The following GLRB variants were observed in gnomAD, a reference collection of about 807,000 sequenced individuals.
GLRB encodes the protein glycine receptor beta.
GLRB carries 33 observed loss-of-function variants against 54.2 expected under a neutral mutation model. That is an observed-to-expected ratio of 0.61 (90% CI 0.46 to 0.81). The LOEUF (loss-of-function observed/expected upper bound fraction) is 0.81, where lower values mean the gene tolerates loss of function less well. Among genes scored for constraint, GLRB ranks in the 40% least tolerant of loss-of-function variants. The pLI is 0.00. For synonymous variants in GLRB, 209 were observed against 208.2 expected (o/e 1.00, Z -0.03); for missense variants, 572 against 584.6 (o/e 0.98, Z 0.22).
chr4:157,125,479 T>G (rs1735983914), intron 4 of GLRB, among the ~76,000 whole-genome samples: 1 of 151,820 alleles, frequency 6.6e-6, no homozygotes, highest in Admixed American at 6.6e-5. Flanking sequence ...GATGATGACT[T>G]TTTGGTTGTC....
At chr4:157,147,213 G>A (rs1354216072) in intron 8 of GLRB, among the ~76,000 whole-genome samples, 1 of 152,216 alleles carries the variant, frequency 6.6e-6, no homozygotes, top group Non-Finnish European at 1.5e-5. Flanking sequence ...AGGGGAGTGA[G>A]CGTAAGCAGA....
chr4:157,106,788 G>A (rs1463917011), intron 2 of GLRB, among the ~76,000 whole-genome samples: 2 of 152,024 alleles, frequency 1.3e-5, no homozygotes, highest in East Asian at 1.9e-4. Flanking sequence ...GCATTGCAGG[G>A]TGTCCAACTT....
chr4:157,144,381 T>C (rs1287449670), intron 8 of GLRB, among the ~76,000 whole-genome samples: 2 of 152,180 alleles, frequency 1.3e-5, no homozygotes, highest in African/African-American at 2.4e-5. Context: ...TACGAAAAAT[T>C]ATGTAACCAT....
At chr4:157,086,974 T>C (rs1228383476) in intron 2 of GLRB, among the ~76,000 whole-genome samples, 1 of 152,178 alleles carries the variant, frequency 6.6e-6, no homozygotes, top group Non-Finnish European at 1.5e-5. Flanking sequence ...TATGCAGTGA[T>C]GTCTTTTATT....
intron 2 of GLRB, among the ~76,000 whole-genome samples, chr4:157,108,088 A>T (rs1012325494): frequency 2.0e-5 from 3 of 152,084 alleles, no homozygotes; most frequent in African/African-American, 7.2e-5. Context: ...ACCACTCAGG[A>T]AAAAAGACTC....
At chr4:157,082,184 T>A (rs1734244757) in intron 2 of GLRB, among the ~76,000 whole-genome samples, 1 of 152,170 alleles carries the variant, frequency 6.6e-6, no homozygotes, top group African/African-American at 2.4e-5. Flanking sequence ...ATCCAACATT[T>A]TAATCTGATT....
chr4:157,077,067 G>C (rs138949472), intron 1 of GLRB, among the ~76,000 whole-genome samples: 1 of 150,810 alleles, frequency 6.6e-6, no homozygotes, highest in Non-Finnish European at 1.5e-5. Flanking sequence ...AATATGACAG[G>C]TCTTTTACTC....
intron 8 of GLRB, among the ~76,000 whole-genome samples, chr4:157,151,303 T>A (rs2126599367): frequency 6.6e-6 from 1 of 152,242 alleles, no homozygotes; most frequent in Admixed American, 6.5e-5. Context: ...GCCAAGTTAA[T>A]TCCCATGGCT....
intron 4 of GLRB, among the ~76,000 whole-genome samples, chr4:157,129,578 A>C (rs558509719): frequency 6.6e-6 from 1 of 151,940 alleles, no homozygotes; most frequent in Non-Finnish European, 1.5e-5. Context: ...TGGCCTCATA[A>C]CTAATAGAAA....
At position 157,143,887 on chromosome 4, in the gene GLRB, C is replaced by T; in HGVS notation, c.832C>T (p.Leu278=). ...FYMMGVYAPT[L]LIVVLSWLSF... Reference sequence around the variant, plus strand: ...CATGATGGGGGTCTACGCCCCAACTCTGCTCATTGTTGTTCTCTCCTGGCT... The same window carrying T: ...CATGATGGGGGTCTACGCCCCAACTTTGCTCATTGTTGTTCTCTCCTGGCT... Residue 278 remains leucine (L), a synonymous_variant, in exon 8 of 10, where the codon CTG becomes TTG. Coordinates refer to ENST00000264428, the MANE Select transcript of GLRB (RefSeq NM_000824.5). The T allele has an allele frequency of 6.2e-7, 1 of 1,613,898 alleles. No homozygotes were observed. Among genetic ancestry groups the T allele is most frequent in the Non-Finnish European group, 8.5e-7 (1 of 1,179,896 alleles).
At chr4:157,135,602 G>A (rs1736369100) in intron 4 of GLRB, among the ~76,000 whole-genome samples, 1 of 152,060 alleles carries the variant, frequency 6.6e-6, no homozygotes, top group South Asian at 2.1e-4. Context: ...TGTCATGACT[G>A]TGAGGCCTCC....
In GLRB at chr4:157,143,904, C is replaced by T. The variant is rs1245752939; in HGVS notation, c.849C>T (p.Leu283=). ...VYAPTLLIVV[L]SWLSFWINPD... ...CCCCAACTCTGCTCATTGTTGTTCT[C>T]TCCTGGCTTTCCTTCTGGATCAACC... The change falls in exon 8 of 10, where the codon CTC becomes CTT. Residue 283 remains leucine, a synonymous_variant. Coordinates refer to ENST00000264428, the MANE Select transcript of GLRB (RefSeq NM_000824.5). 2.5e-6 allele frequency: 4 copies of T among 1,614,070 alleles called. No homozygotes were observed. Among genetic ancestry groups the T allele is most frequent in the Non-Finnish European group, 2.5e-6 (3 of 1,179,992 alleles).
At chr4:157,104,821 G>C (rs930187926) in intron 2 of GLRB, among the ~76,000 whole-genome samples, 2 of 151,916 alleles carry the variant, frequency 1.3e-5, no homozygotes, top group East Asian at 3.9e-4. Context: ...ATTTCTTCTA[G>C]ATTATCCAGT....
intron 8 of GLRB, 101 bp downstream of exon 8, chr4:157,144,060 T>G: frequency 8.1e-7 from 1 of 1,236,558 alleles, no homozygotes; most frequent in Non-Finnish European, 1.2e-6. Context: ...TTTAGAATTG[T>G]TAGCCACCAA....
At chr4:157,081,051 C>T (rs946747317) in intron 2 of GLRB, among the ~76,000 whole-genome samples, 1 of 152,048 alleles carries the variant, frequency 6.6e-6, no homozygotes, top group Non-Finnish European at 1.5e-5. Context: ...TTTCTTTTTT[C>T]TAACCTGTTG....
At chr4:157,134,045 A>G (rs1736312500) in intron 4 of GLRB, among the ~76,000 whole-genome samples, 1 of 152,086 alleles carries the variant, frequency 6.6e-6, no homozygotes, top group Non-Finnish European at 1.5e-5. Flanking sequence ...ATTGTATAAT[A>G]CAGGCTTAAT....
At chr4:157,160,628 G>A (rs1258029938) in intron 9 of GLRB, among the ~76,000 whole-genome samples, 2 of 151,996 alleles carry the variant, frequency 1.3e-5, no homozygotes, top group Non-Finnish European at 2.9e-5. Flanking sequence ...CAGTTTCCAT[G>A]TAGTTGAGCG....
intron 8 of GLRB, among the ~76,000 whole-genome samples, chr4:157,146,376 C>G (rs1736809932): frequency 2.6e-5 from 4 of 152,086 alleles, no homozygotes; most frequent in Admixed American, 2.6e-4. Flanking sequence ...CATGATCTGA[C>G]TTAAATTTTA....
At chr4:157,081,218 T>A (rs7671020) in intron 2 of GLRB, among the ~76,000 whole-genome samples, 7,048 of 152,306 alleles carry the variant, frequency 0.046, 169 homozygotes, top group African/African-American at 0.07. Flanking sequence ...GTTACCTTTT[T>A]ATTTTACAGC....
Sources: allele counts gnomAD v4.1 joint callset (sites outside exome capture counted in the v4.1 genomes callset), GRCh38; gene constraint gnomAD v4.1.1; transcripts MANE v1.5; gene names NCBI Gene and HGNC (gene_info 2026-07-23, HGNC 2026-07-21).